PRKCH: variants seen among roughly 807,000 people sequenced by gnomAD.
PRKCH encodes the protein protein kinase C eta.
Under a neutral mutation model 82.5 loss-of-function variants are expected in PRKCH, and 28 were observed. That is an observed-to-expected ratio of 0.34 (90% CI 0.25 to 0.47). PRKCH has a LOEUF of 0.47. PRKCH is among the 20% of genes least tolerant of loss of function. PRKCH has a pLI of 1.00. For synonymous variants in PRKCH, 322 were observed against 327.4 expected (o/e 0.98, Z 0.18); for missense variants, 705 against 881.8 (o/e 0.80, Z 2.54).
At chr14:61,469,632 T>C (rs887529654) in intron 9 of PRKCH, among the ~76,000 whole-genome samples, 2 of 152,326 alleles carry the variant, frequency 1.3e-5, no homozygotes, top group Middle Eastern at 3.4e-3. Flanking sequence ...TGGATCAAAA[T>C]CATACCCTGT....
At chr14:61,425,209 A>G (rs1957891) in intron 2 of PRKCH, among the ~76,000 whole-genome samples, 93,405 of 152,066 alleles carry the variant, frequency 0.61, 29,604 homozygotes, top group Non-Finnish European at 0.7. Flanking sequence ...GCTGTGAGAA[A>G]AGGGCCACCA....
intron 2 of PRKCH, among the ~76,000 whole-genome samples, chr14:61,411,453 A>C (rs895629724): frequency 6.6e-6 from 1 of 152,226 alleles, no homozygotes; most frequent in African/African-American, 2.4e-5. Flanking sequence ...CCAAATGCTG[A>C]AACAAGTATT....
At chr14:61,396,007 G>A (rs920760015) in intron 2 of PRKCH, among the ~76,000 whole-genome samples, 1 of 151,666 alleles carries the variant, frequency 6.6e-6, no homozygotes, top group African/African-American at 2.4e-5. Flanking sequence ...CTGAGCCTGG[G>A]AAGTGGAGGT....
intron 1 of PRKCH, among the ~76,000 whole-genome samples, chr14:61,301,715 C>T (rs868102565): frequency 6.6e-6 from 1 of 152,134 alleles, no homozygotes; most frequent in African/African-American, 2.4e-5. Context: ...GTAGTGTGTG[C>T]CTGTAGTCCC....
intron 2 of PRKCH, among the ~76,000 whole-genome samples, chr14:61,433,684 A>G (rs997934432): frequency 6.6e-6 from 1 of 152,232 alleles, no homozygotes; most frequent in African/African-American, 2.4e-5. Flanking sequence ...ACTTTATGAA[A>G]TATGATTAAA....
rs184419683 is a variant in PRKCH, at chr14:61,285,137, T to C, written c.-19+97469T>C. ...TTTCCCCCTAACGTTTTCTTTCAGA[T>C]TTTTTTCCTTGGGATAAAATTCTAA... On this transcript the variant is annotated intron_variant, in intron 1 of 3. Coordinates refer to the PRKCH transcript ENST00000555185. Among the ~76,000 whole-genome samples the C allele has an allele frequency of 2.3e-3, 347 of 150,088 alleles. 2 individuals are homozygous for C. Among genetic ancestry groups the C allele is most frequent in the African/African-American group, 8.0e-3 (332 of 41,436 alleles).
rs76355449 is a variant in PRKCH, at chr14:61,511,768, A to G, written c.1434-17307A>G. Among the ~76,000 whole-genome samples the G allele has an allele frequency of 3.2e-3, 485 of 152,304 alleles. 15 individuals carry two copies. The East Asian group carries it at 0.043, about 13-fold the overall frequency. ...ACCTCCTTTGCATCAGTGGAAAGTT[A>G]CAGGAGGAGAGATAGCACCACCTTT... On this transcript the variant is annotated intron_variant, in intron 10 of 13. Transcript: ENST00000332981.
intron 1 of PRKCH, chr14:61,305,374 G>A (rs554370622): frequency 3.3e-5 from 5 of 151,998 alleles, no homozygotes; most frequent in African/African-American, 1.2e-4. Flanking sequence ...TAGAGATGGG[G>A]GTCTCACTGT....
chr14:61,431,535 C>T (rs192012209), intron 2 of PRKCH, among the ~76,000 whole-genome samples: 69 of 152,298 alleles, frequency 4.5e-4, no homozygotes, highest in Non-Finnish European at 7.8e-4. Flanking sequence ...AAGCAAGAAT[C>T]GAGTTGCTGC....
chr14:61,263,847 TTGTGTGTG>T (rs56280986), intron 1 of PRKCH, among the ~76,000 whole-genome samples: 7,443 of 144,194 alleles, frequency 0.052, 295 homozygotes, highest in African/African-American at 0.12. Flanking sequence ...AGTCAGAGTA[TTGTGTGTG>T]TGTGTGTGTG....
intron 1 of PRKCH, among the ~76,000 whole-genome samples, chr14:61,380,838 G>A (rs2046497389): frequency 6.6e-6 from 1 of 151,982 alleles, no homozygotes; most frequent in Admixed American, 6.6e-5. Flanking sequence ...TTTTACTACG[G>A]GCAGAAAAAC....
At chr14:61,378,190 C>T (rs2046450029) in intron 1 of PRKCH, among the ~76,000 whole-genome samples, 1 of 151,930 alleles carries the variant, frequency 6.6e-6, no homozygotes, top group Non-Finnish European at 1.5e-5. Context: ...AGTGATTGCT[C>T]CTCTCCTAGG....
At position 61,485,496 on chromosome 14, in the gene PRKCH, A is replaced by T. The variant is rs1276930557; in HGVS notation, c.1279-6A>T. The T allele has an allele frequency of 6.2e-7, 1 of 1,613,584 alleles. No individual in the cohort carries two copies. The highest frequency in any genetic ancestry group is 8.5e-7 in the Non-Finnish European group (1 of 1,179,716). On this transcript the variant is annotated splice_polypyrimidine_tract_variant and splice_region_variant and intron_variant, in intron 9 of 13. Coordinates refer to ENST00000332981, the MANE Select transcript of PRKCH (RefSeq NM_006255.5). ...ACATTGGGCCCTCTCTTGTGTTTGT[A>T]TCCAGGATCGTCTGTTTTTTGTGAT...
At chr14:61,347,240 A>T (rs976655993) in intron 1 of PRKCH, among the ~76,000 whole-genome samples, 2 of 152,174 alleles carry the variant, frequency 1.3e-5, no homozygotes, top group East Asian at 3.8e-4. Flanking sequence ...TTACTTTTTT[A>T]AAATGCAATT....
At chr14:61,269,090 A>C (rs1193125426) in intron 1 of PRKCH, among the ~76,000 whole-genome samples, 1 of 152,234 alleles carries the variant, frequency 6.6e-6, no homozygotes, top group African/African-American at 2.4e-5. Context: ...GCTTATGACA[A>C]AGTAAATGAC....
chr14:61,413,819 A>G (rs1173185819), intron 2 of PRKCH, among the ~76,000 whole-genome samples: 1 of 152,062 alleles, frequency 6.6e-6, no homozygotes, highest in Non-Finnish European at 1.5e-5. Context: ...CCGCTACTTA[A>G]GCTCTCTGGC....
At chr14:61,204,199 A>T (rs960002650) in intron 1 of PRKCH, among the ~76,000 whole-genome samples, 1 of 152,132 alleles carries the variant, frequency 6.6e-6, no homozygotes, top group African/African-American at 2.4e-5. Flanking sequence ...CTCACCACAT[A>T]ATAACTAAAA....
chr14:61,483,985 G>A (rs1873685345), intron 9 of PRKCH, among the ~76,000 whole-genome samples: 1 of 152,232 alleles, frequency 6.6e-6, no homozygotes, highest in African/African-American at 2.4e-5. Context: ...AGGCTGCAGT[G>A]AGCCAAGATC....
intron 1 of PRKCH, among the ~76,000 whole-genome samples, chr14:61,258,189 A>G (rs2045016422): frequency 6.6e-6 from 1 of 152,222 alleles, no homozygotes; most frequent in Non-Finnish European, 1.5e-5. Context: ...GTTTATGGTC[A>G]AAATTACCTT....
Sources: gnomAD v4.1 joint callset for allele counts (sites outside exome capture counted in the v4.1 genomes callset) on GRCh38, gnomAD v4.1.1 for gene constraint, MANE v1.5 for transcripts, NCBI Gene and HGNC (gene_info 2026-07-23, HGNC 2026-07-21) for gene names.